The following IQGAP3 variants were observed in gnomAD, a reference collection of about 807,000 sequenced individuals.
IQGAP3 encodes the protein ras GTPase-activating-like protein IQGAP3.
Under a neutral mutation model 208.2 loss-of-function variants are expected in IQGAP3, and 165 were observed. The observed-to-expected ratio is 0.79, with a 90% confidence interval of 0.70 to 0.90. The LOEUF (loss-of-function observed/expected upper bound fraction) is 0.90. Ranked by LOEUF, IQGAP3 falls within the 40% of genes least tolerant of loss-of-function variation. IQGAP3 has a pLI of 0.00. For missense variants in IQGAP3, 1,811 were observed against 2,043.1 expected (o/e 0.89, Z 2.19); for synonymous variants, 703 against 803.6 (o/e 0.87, Z 2.12).
Position 156,548,120 on chromosome 1 carries a change from G to A in IQGAP3, c.2257C>T (p.His753Tyr), listed in dbSNP as rs775205536. ...GFLVRQKFAE[H>Y]SHFLRTWLPA... is the part of the protein sequence containing the mutation. ...AGCCAGGTCCTCAGAAAGTGGGAAT[G>A]CTCAGCAAACTTCTGCCGAACTAGG... is the stretch of plus-strand genomic sequence containing the variant. Residue 753 changes from histidine (H) to tyrosine (Y), a missense_variant, in exon 19 of 38, where the codon CAT becomes TAT. Coordinates refer to ENST00000361170, the MANE Select transcript of IQGAP3 (RefSeq NM_178229.5). 22 of 1,613,760 alleles carry A rather than the reference G, an allele frequency of 1.4e-5. No individual in the cohort carries two copies. Among genetic ancestry groups the A allele is most frequent in the Non-Finnish European group, 1.9e-5 (22 of 1,179,888 alleles).
rs1347556342 is a variant in IQGAP3 at position 156,563,579 on chromosome 1, T to C, written c.593A>G (p.Asn198Ser). The change falls in exon 7 of 38, where the codon AAT becomes AGT. Residue 198 changes from asparagine (N) to serine (S), a missense_variant. Asn to Ser is a conservative substitution (Grantham distance 46, BLOSUM62 1). Transcript: ENST00000361170. ...AFSKIGGILA[N>S]ELSVDEAAVH... ...TGCAGCCTCATCCACCGAGAGCTCA[T>C]TGGCCAAGATGCCCCCGATCTTGCT... 8 of 1,613,702 alleles carry C rather than the reference T, an allele frequency of 5.0e-6. No homozygotes were observed. The East Asian group carries it at 6.7e-5, about 13-fold the overall frequency.
chr1:156,563,453 G>A, intron 7 of IQGAP3, 100 bp downstream of exon 7: 7 of 1,319,874 alleles, frequency 5.3e-6, no homozygotes, highest in Non-Finnish European at 7.3e-6. Context: ...GGCCCTATCT[G>A]TGGATGAGAG....
chr1:156,530,127 C>A lies in IQGAP3; in HGVS notation c.4382G>T (p.Gly1461Val). ...GLVSARNGYQ[G>V]LVDELAKDIR... ...TACCTTGGCCAGCTCGTCCACTAGC[C>A]CCTGGTAGCCATTTCTGGCGCTGAC... Residue 1461 changes from glycine to valine, a missense_variant, in exon 34 of 38, where the codon GGG (glycine) becomes GTG (valine). Physicochemically the swap from Gly to Val is moderately radical, Grantham distance 109. Transcript: ENST00000361170. The A allele has an allele frequency of 6.2e-7, 1 of 1,606,150 alleles. No homozygotes were observed. Among genetic ancestry groups the A allele is most frequent in the Admixed American group, 1.7e-5 (1 of 58,876 alleles).
At chr1:156,562,525 C>A in intron 9 of IQGAP3, 62 bp downstream of exon 9, 1 of 1,326,520 alleles carries the variant, frequency 7.5e-7, no homozygotes, top group Non-Finnish European at 1.1e-6. Flanking sequence ...ATCCCCAAAC[C>A]TCCCAGTGCA....
chr1:156,568,211 C>T (rs1364140668), intron 2 of IQGAP3, among the ~76,000 whole-genome samples: 2 of 151,918 alleles, frequency 1.3e-5, no homozygotes, highest in Non-Finnish European at 2.9e-5. Context: ...TCAAAAATGG[C>T]TTTTTGTTTT....
intron 2 of IQGAP3, among the ~76,000 whole-genome samples, chr1:156,568,841 TA>T (rs977975946): frequency 1.3e-5 from 2 of 151,962 alleles, no homozygotes; most frequent in Non-Finnish European, 2.9e-5. Context: ...CACCCATCTC[TA>T]AAAAACAGAA....
chr1:156,546,798 C>T (rs1235570874), intron 19 of IQGAP3, among the ~76,000 whole-genome samples: 2 of 152,178 alleles, frequency 1.3e-5, no homozygotes, highest in East Asian at 3.9e-4. Context: ...CAATTACCCC[C>T]CAACACCCTC....
Position 156,538,807 on chromosome 1 carries a change from A to C in IQGAP3, c.3281+2T>G. ...AGCTCCTCCCTCTGCCCATGTGCTC[A>C]CCTGCGCTGCCCTGTCTGGGCCTCA... On this transcript the variant is annotated splice_donor_variant, in intron 26 of 37. Transcript: ENST00000361170. LOFTEE classifies it high-confidence loss of function. 1 of 1,613,326 alleles carries C rather than the reference A, an allele frequency of 6.2e-7. No homozygotes were observed. Among genetic ancestry groups the C allele is most frequent in the Non-Finnish European group, 8.5e-7 (1 of 1,179,356 alleles).
At position 156,533,025 on chromosome 1, in the gene IQGAP3, A is replaced by T. The variant is rs756424506; in HGVS notation, c.4058T>A (p.Leu1353Gln). ...SLTLTNKFEG[L>Q]EADADDSNTR... ...GTTGGAGTCATCAGCATCTGCCTCT[A>T]GTCCTTCAAACTTGTTGGTCAGCGT... Residue 1353 changes from leucine (L) to glutamine (Q), a missense_variant, in exon 32 of 38, where the codon CTA becomes CAA. Transcript: ENST00000361170. 6.2e-7 allele frequency: 1 copy of T among 1,614,134 alleles called. No homozygotes were observed. Among genetic ancestry groups the T allele is most frequent in the Admixed American group, 1.7e-5 (1 of 60,024 alleles).
intron 32 of IQGAP3, 45 bp from the exon 33 acceptor site, chr1:156,531,292 A>G: frequency 6.8e-7 from 1 of 1,470,850 alleles, no homozygotes; most frequent in Non-Finnish European, 9.5e-7. Flanking sequence ...GGGGCAGGGG[A>G]AGGGCCTGGA....
intron 29 of IQGAP3, 52 bp from the exon 30 acceptor site, chr1:156,534,193 A>T (rs1674570180): frequency 6.2e-7 from 1 of 1,606,310 alleles, no homozygotes; most frequent in Non-Finnish European, 8.5e-7. Context: ...CACCCCACAC[A>T]TCTTCTGTCC....
In IQGAP3 at chr1:156,569,405, C is replaced by G. The variant is rs530821917; in HGVS notation, c.96G>C (p.Gln32His). Reference sequence around the variant, plus strand: ...TGGCCTCCTCCAGCCGGCACAGGTACTGATAGGCAACATTCTGCCGCCTCT... The same window carrying G: ...TGGCCTCCTCCAGCCGGCACAGGTAGTGATAGGCAACATTCTGCCGCCTCT... ...DEQRRQNVAY[Q>H]YLCRLEEAKR... Residue 32 changes from glutamine (Q) to histidine (H), a missense_variant, in exon 2 of 38, where the codon CAG becomes CAC. By Grantham distance (24) the Gln-to-His change is conservative. Transcript: ENST00000361170. The G allele has an allele frequency of 6.2e-7, 1 of 1,613,506 alleles. No homozygotes were observed. Among genetic ancestry groups the G allele is most frequent in the East Asian group, 2.2e-5 (1 of 44,866 alleles).
At chr1:156,543,925 G>T in intron 22 of IQGAP3, 56 bp downstream of exon 22, 1 of 1,479,108 alleles carries the variant, frequency 6.8e-7, no homozygotes, top group Non-Finnish European at 9.5e-7. Context: ...GACCTGCCTG[G>T]CTCTGTGGGG....
At chr1:156,565,597 T>C (rs1379082917) in intron 4 of IQGAP3, among the ~76,000 whole-genome samples, 1 of 152,234 alleles carries the variant, frequency 6.6e-6, no homozygotes, top group African/African-American at 2.4e-5. Context: ...ATCCCCATTT[T>C]ACAGATGAGT....
intron 19 of IQGAP3, 102 bp downstream of exon 19, chr1:156,547,971 G>T: frequency 9.3e-7 from 1 of 1,074,786 alleles, no homozygotes; most frequent in Non-Finnish European, 1.3e-6. Context: ...CTATTCAGAG[G>T]CCGAAAGGTC....
intron 12 of IQGAP3, 96 bp downstream of exon 12, chr1:156,556,437 C>A: frequency 8.5e-7 from 1 of 1,181,684 alleles, no homozygotes; most frequent in Non-Finnish European, 1.2e-6. Context: ...GCCAGCATCT[C>A]ATATCGCACT....
intron 10 of IQGAP3, among the ~76,000 whole-genome samples, chr1:156,561,312 C>T (rs1265307707): frequency 6.6e-6 from 1 of 152,060 alleles, no homozygotes; most frequent in African/African-American, 2.4e-5. Context: ...GGATTACAAG[C>T]GTGTGCCACC....
intron 29 of IQGAP3, 78 bp from the exon 30 acceptor site, chr1:156,534,219 C>G (rs1674571454): frequency 1.3e-6 from 2 of 1,595,410 alleles, no homozygotes; most frequent in Non-Finnish European, 1.7e-6. Context: ...ATTTCCCCAG[C>G]CTTCTCCAGT....
chr1:156,528,930 C>T lies in IQGAP3; in HGVS notation c.4557G>A (p.Leu1519=). The part of the protein sequence containing the change: ...SQYIRACLDH[L]APDSKSSGKG... ...GCAGCACCTACTTGGAGTCGGGGGC[C>T]AGGTGGTCCAGGCAGGCCCGGATGT... The change falls in exon 35 of 38, where the codon CTG becomes CTA. Residue 1519 remains leucine, a synonymous_variant. Coordinates refer to ENST00000361170, the MANE Select transcript of IQGAP3 (RefSeq NM_178229.5). 1 of 1,614,242 alleles carries T rather than the reference C, an allele frequency of 6.2e-7. No homozygotes were observed. Among genetic ancestry groups the T allele is most frequent in the Admixed American group, 1.7e-5 (1 of 60,032 alleles).
Sources: gnomAD v4.1 joint callset for allele counts (sites outside exome capture counted in the v4.1 genomes callset) on GRCh38, gnomAD v4.1.1 for gene constraint, MANE v1.5 for transcripts, NCBI Gene and HGNC (gene_info 2026-07-23, HGNC 2026-07-21) for gene names.